Variants in NRXN3 observed in about 807,000 individuals in gnomAD.
NRXN3 encodes neurexin III.
NRXN3 carries 32 observed loss-of-function variants against 137.6 expected under a neutral mutation model. The observed-to-expected ratio is 0.23, with a 90% CI of 0.18 to 0.31. The LOEUF (loss-of-function observed/expected upper bound fraction) is 0.31. NRXN3 is among the 10% of genes least tolerant of loss of function. NRXN3 has a pLI of 1.00. For missense variants in NRXN3, 1,574 were observed against 2,062.5 expected (o/e 0.76, Z 4.59); for synonymous variants, 798 against 784.5 (o/e 1.02, Z -0.29).
At chr14:78,300,592 C>G in intron 4 of NRXN3, 1 of 938,502 alleles carries the variant, frequency 1.1e-6, no homozygotes, top group Non-Finnish European at 1.6e-6. Context: ...TGATGTTTGA[C>G]TCTCCTTGCT....
intron 16 of NRXN3, among the ~76,000 whole-genome samples, chr14:79,551,802 T>C (rs565183538): frequency 6.6e-6 from 1 of 152,248 alleles, no homozygotes; most frequent in East Asian, 1.9e-4. Flanking sequence ...TGGGGAAGTT[T>C]CTAGTGTTTC....
At chr14:78,391,190 C>T (rs2090721608) in intron 4 of NRXN3, among the ~76,000 whole-genome samples, 1 of 152,136 alleles carries the variant, frequency 6.6e-6, no homozygotes, top group Non-Finnish European at 1.5e-5. Flanking sequence ...TGTTCCTCTG[C>T]ATTTACACAG....
chr14:79,457,439 C>T (rs972909583), intron 15 of NRXN3, among the ~76,000 whole-genome samples: 8 of 152,140 alleles, frequency 5.3e-5, no homozygotes, highest in African/African-American at 1.2e-4. Flanking sequence ...GAAGTGTTGT[C>T]GCCTTCTTAA....
intron 15 of NRXN3, among the ~76,000 whole-genome samples, chr14:79,002,549 C>T (rs2099543736): frequency 6.6e-6 from 1 of 152,142 alleles, no homozygotes; most frequent in African/African-American, 2.4e-5. Context: ...GACATGATCT[C>T]ATTCCTTTTT....
chr14:78,463,668 A>C (rs1160451394), intron 4 of NRXN3, among the ~76,000 whole-genome samples: 1 of 144,524 alleles, frequency 6.9e-6, no homozygotes, highest in Non-Finnish European at 1.5e-5. Context: ...ACAGATGCAT[A>C]CTAGATGCAA....
intron 4 of NRXN3, among the ~76,000 whole-genome samples, chr14:78,326,496 G>C (rs778465973): frequency 7.2e-5 from 11 of 152,232 alleles, no homozygotes; most frequent in Non-Finnish European, 1.6e-4. Flanking sequence ...AAAGGTGACA[G>C]GTTGAAGGGA....
chr14:78,469,123 T>C (rs1236876810), intron 4 of NRXN3, among the ~76,000 whole-genome samples: 2 of 152,178 alleles, frequency 1.3e-5, no homozygotes, highest in African/African-American at 2.4e-5. Context: ...TTAAAATTGA[T>C]AATTGAGTCT....
chr14:79,585,877 G>T (rs1331457270), intron 16 of NRXN3, among the ~76,000 whole-genome samples: 1 of 152,236 alleles, frequency 6.6e-6, no homozygotes, highest in Admixed American at 6.5e-5. Context: ...TGGATGAACA[G>T]CAAATTGCTG....
At chr14:79,748,245 A>T (rs990014230) in intron 19 of NRXN3, among the ~76,000 whole-genome samples, 1 of 152,100 alleles carries the variant, frequency 6.6e-6, no homozygotes, top group Non-Finnish European at 1.5e-5. Flanking sequence ...GCCAAAAAAA[A>T]TTTTAAAAAC....
intron 3 of NRXN3, among the ~76,000 whole-genome samples, chr14:78,292,450 T>C (rs1596914942): frequency 6.6e-6 from 1 of 152,206 alleles, no homozygotes; most frequent in Admixed American, 6.5e-5. Flanking sequence ...GATAGGCAGG[T>C]ACAAGAAGGG....
At chr14:79,281,517 C>A (rs1476030154) in intron 15 of NRXN3, among the ~76,000 whole-genome samples, 1 of 152,100 alleles carries the variant, frequency 6.6e-6, no homozygotes, top group East Asian at 1.9e-4. Flanking sequence ...GCACTCCACT[C>A]TGATGGTAAG....
chr14:78,440,445 C>CAAAAAAAAAAA (rs5809887), intron 4 of NRXN3, among the ~76,000 whole-genome samples: 1 of 147,384 alleles, frequency 6.8e-6, no homozygotes, highest in African/African-American at 2.5e-5. Flanking sequence ...CCTTGAGATG[C>CAAAAAAAAAAA]AAAAAAAAAA....
chr14:79,300,166 T>C (rs2084900712), intron 15 of NRXN3, among the ~76,000 whole-genome samples: 1 of 152,048 alleles, frequency 6.6e-6, no homozygotes. Flanking sequence ...CATTTCATCC[T>C]CAATGACATT....
chr14:78,641,735 TG>T (rs2097635363), intron 4 of NRXN3, among the ~76,000 whole-genome samples: 2 of 152,188 alleles, frequency 1.3e-5, no homozygotes, highest in African/African-American at 4.8e-5. Context: ...TGGGGAAGGT[TG>T]TGAATGGTTA....
intron 8 of NRXN3, among the ~76,000 whole-genome samples, chr14:78,733,824 T>C (rs895088922): frequency 1.3e-5 from 2 of 152,144 alleles, no homozygotes; most frequent in African/African-American, 4.8e-5. Context: ...TGAGACCGTA[T>C]TATATGACAT....
At chr14:78,626,913 C>G (rs1300480326) in intron 4 of NRXN3, among the ~76,000 whole-genome samples, 1 of 152,228 alleles carries the variant, frequency 6.6e-6, no homozygotes, top group Non-Finnish European at 1.5e-5. Flanking sequence ...TCCTTCTTTT[C>G]TTGTCCTCTT....
At position 78,729,709 on chromosome 14, in the gene NRXN3, T is replaced by C. The variant is rs138840466; in HGVS notation, c.2044+14570T>C. ...ATGTACAAACACACACACATGCACATGCACACACATGCACATGAATGCACA... is the reference window on the plus strand; with the variant it reads ...ATGTACAAACACACACACATGCACACGCACACACATGCACATGAATGCACA... On this transcript the variant is annotated intron_variant, in intron 8 of 20. Transcript: ENST00000335750. 3.1e-4 allele frequency among the ~76,000 whole-genome samples: 47 copies of C among 152,252 alleles called. 1 individual carries two copies. The highest frequency in any genetic ancestry group is 3.4e-3 in the Middle Eastern group (1 of 294).
At chr14:78,967,478 T>C (rs766417550) in intron 13 of NRXN3, 80 bp downstream of exon 13, 1 of 973,158 alleles carries the variant, frequency 1.0e-6, no homozygotes. Flanking sequence ...AAACCACAGG[T>C]TCAGAGTGCC....
At chr14:79,751,509 A>AT (rs1356989463) in intron 19 of NRXN3, among the ~76,000 whole-genome samples, 1 of 150,974 alleles carries the variant, frequency 6.6e-6, no homozygotes, top group East Asian at 2.0e-4. Context: ...CAATCATGTC[A>AT]TCTGCAAACA....
Sources: allele counts gnomAD v4.1 joint callset (sites outside exome capture counted in the v4.1 genomes callset), GRCh38; gene constraint gnomAD v4.1.1; transcripts MANE v1.5; gene names NCBI Gene and HGNC (gene_info 2026-07-23, HGNC 2026-07-21).